COL25A1: variants seen among roughly 807,000 people sequenced by gnomAD.
COL25A1 encodes collagen type XXV alpha 1 chain.
Under a neutral mutation model 128.4 loss-of-function variants are expected in COL25A1, and 103 were observed. That is an observed-to-expected ratio of 0.80 (90% CI 0.68 to 0.94). The LOEUF (loss-of-function observed/expected upper bound fraction) is 0.94. Among genes scored for constraint, COL25A1 ranks in the 40% least tolerant of loss-of-function variants. The pLI is 0.00. For synonymous variants in COL25A1, 279 were observed against 277.2 expected, an observed-to-expected ratio of 1.01 and a Z score of -0.06; for missense variants, 745 against 840.0, an observed-to-expected ratio of 0.89 and a Z score of 1.40.
rs375094753 is a variant in COL25A1, at chr4:109,131,962, A to C, written c.368-81783T>G. ...ACTACCAGGGACTCAAACAGAAAGG[A>C]GCACCATTCTTTGCTAGAGATAAGG... On this transcript the variant is annotated intron_variant, in intron 3 of 37. Coordinates refer to ENST00000399132, the MANE Select transcript of COL25A1 (RefSeq NM_198721.4). 4.6e-5 allele frequency among the ~76,000 whole-genome samples: 7 copies of C among 152,334 alleles called. No homozygotes were observed. In the South Asian group the frequency reaches 1.4e-3, roughly 32 times the overall value.
At chr4:108,928,085 G>T (rs936263296) in intron 11 of COL25A1, among the ~76,000 whole-genome samples, 4 of 151,992 alleles carry the variant, frequency 2.6e-5, no homozygotes, top group Admixed American at 2.0e-4. Context: ...AAATTAACAG[G>T]CTTCTTTGCC....
chr4:108,984,693 G>T (rs1055005920), intron 6 of COL25A1, among the ~76,000 whole-genome samples: 3 of 152,218 alleles, frequency 2.0e-5, no homozygotes, highest in Non-Finnish European at 4.4e-5. Context: ...CCGCTGGCCC[G>T]CAAGCACCGC....
intron 8 of COL25A1, among the ~76,000 whole-genome samples, chr4:108,954,540 A>G (rs1578878799): frequency 6.6e-6 from 1 of 152,148 alleles, no homozygotes; most frequent in Non-Finnish European, 1.5e-5. Context: ...ATAATAAGGC[A>G]GACAAAAATG....
rs200864025 is a variant in COL25A1, at chr4:109,042,081, C to CT, written c.420+6086dup. Among the ~76,000 whole-genome samples the CT allele has an allele frequency of 7.7e-3, 1,170 of 152,096 alleles. 12 individuals carry two copies. Among genetic ancestry groups the CT allele is most frequent in the Non-Finnish European group, 0.014 (928 of 67,950 alleles). ...CCTTTTTAAAATTTTAATTTTTTTA[C>CT]TTTAACAGCCTTATTTAAGCTCAAT... is the stretch of plus-strand genomic sequence containing the variant. On this transcript the variant is annotated intron_variant, in intron 5 of 37. Coordinates refer to ENST00000399132, the MANE Select transcript of COL25A1 (RefSeq NM_198721.4).
intron 3 of COL25A1, among the ~76,000 whole-genome samples, chr4:109,213,010 A>G (rs555973889): frequency 6.6e-6 from 1 of 152,300 alleles, no homozygotes; most frequent in East Asian, 1.9e-4. Flanking sequence ...ATATTTGGAG[A>G]CCACTGACAG....
intron 6 of COL25A1, among the ~76,000 whole-genome samples, chr4:108,999,357 A>G (rs1380868372): frequency 1.2e-4 from 19 of 152,230 alleles, no homozygotes; most frequent in Admixed American, 1.1e-3. Context: ...CAACAGACAT[A>G]TGAAAAAATG....
chr4:109,164,195 G>T (rs1035901146), intron 3 of COL25A1, among the ~76,000 whole-genome samples: 7 of 152,100 alleles, frequency 4.6e-5, no homozygotes. Flanking sequence ...CCTGGCTTGT[G>T]CAAGAAACCT....
chr4:109,028,870 A>T (rs997231330), intron 5 of COL25A1, among the ~76,000 whole-genome samples: 1 of 152,216 alleles, frequency 6.6e-6, no homozygotes, highest in African/African-American at 2.4e-5. Context: ...AGAAGACACC[A>T]ATTCACTGTG....
At chr4:108,980,756 T>C (rs1167070295) in intron 6 of COL25A1, among the ~76,000 whole-genome samples, 1 of 152,238 alleles carries the variant, frequency 6.6e-6, no homozygotes, top group Non-Finnish European at 1.5e-5. Context: ...AATTACTCTA[T>C]TTTAAACTCC....
At chr4:108,857,506 T>C (rs1736666422) in intron 24 of COL25A1, among the ~76,000 whole-genome samples, 1 of 151,952 alleles carries the variant, frequency 6.6e-6, no homozygotes, top group Non-Finnish European at 1.5e-5. Context: ...TGCTTCTGTT[T>C]GTATTTTACC....
chr4:109,288,837 T>C lies in COL25A1; in HGVS notation c.367+11746A>G, dbSNP rs754605332. 2.2e-4 allele frequency among the ~76,000 whole-genome samples: 34 copies of C among 152,132 alleles called. 1 individual carries two copies. Among genetic ancestry groups the C allele is most frequent in the Non-Finnish European group, 3.7e-4 (25 of 67,988 alleles). On this transcript the variant is annotated intron_variant, in intron 3 of 37. Transcript: ENST00000399132. The stretch of plus-strand genomic sequence containing the variant: ...ATAAAGTCCAAACTCACAGGAACTG[T>C]CTTTTAAATAACTAATTTTAACAGA...
At chr4:109,015,516 C>T (rs1757131929) in intron 5 of COL25A1, among the ~76,000 whole-genome samples, 1 of 152,076 alleles carries the variant, frequency 6.6e-6, no homozygotes, top group Non-Finnish European at 1.5e-5. Flanking sequence ...CCAAGTGAAA[C>T]AGTTAAGTCA....
At chr4:109,108,041 A>T (rs10029177) in intron 3 of COL25A1, among the ~76,000 whole-genome samples, 32,770 of 152,044 alleles carry the variant, frequency 0.22, 4,233 homozygotes, top group East Asian at 0.39. Context: ...CAATTTTTTT[A>T]AATTATACTT....
rs1422476451 is a variant in COL25A1 at position 108,811,228 on chromosome 4, T to C, written c.*2699A>G. ...GTAACCAAAAGTTAAAGATTATCCA[T>C]CATGGTTAAGACCTAGCAATTCCAC... On this transcript the variant is annotated 3_prime_UTR_variant, in exon 38 of 38. Coordinates refer to ENST00000399132, the MANE Select transcript of COL25A1 (RefSeq NM_198721.4). The C allele has an allele frequency of 1.3e-5, 2 of 152,054 alleles. No individual in the cohort carries two copies. Among genetic ancestry groups the C allele is most frequent in the East Asian group, 1.9e-4 (1 of 5,192 alleles). The allele number at this position is 152,054 out of a possible 1,614,324, so 9.4% of individuals were successfully genotyped here. A position where few individuals can be genotyped will look rare whatever the true frequency, so the allele number is the denominator to read the frequency against.
chr4:109,292,535 T>C (rs886585809), intron 3 of COL25A1, among the ~76,000 whole-genome samples: 67 of 152,036 alleles, frequency 4.4e-4, no homozygotes, highest in Non-Finnish European at 6.5e-4. Flanking sequence ...TAGAGATACA[T>C]AGATACAAAC....
chr4:108,999,200 C>A (rs1431559589), intron 6 of COL25A1, among the ~76,000 whole-genome samples: 1 of 24,472 alleles, frequency 4.1e-5, no homozygotes, highest in Non-Finnish European at 1.3e-4. Flanking sequence ...GGGACAAAAT[C>A]TTTGCAATCT....
chr4:109,205,396 C>T (rs111858450), intron 3 of COL25A1, among the ~76,000 whole-genome samples: 3 of 152,096 alleles, frequency 2.0e-5, no homozygotes, highest in Non-Finnish European at 4.4e-5. Flanking sequence ...AAGCTGGATG[C>T]GGACACGGGA....
chr4:109,258,105 C>A (rs1781193302), intron 3 of COL25A1, among the ~76,000 whole-genome samples: 1 of 152,152 alleles, frequency 6.6e-6, no homozygotes, highest in Non-Finnish European at 1.5e-5. Context: ...CCTTCCTGCT[C>A]CCACCCAATC....
intron 10 of COL25A1, among the ~76,000 whole-genome samples, chr4:108,938,730 A>C (rs1181196609): frequency 6.6e-6 from 1 of 152,262 alleles, no homozygotes; most frequent in African/African-American, 2.4e-5. Context: ...GGTGGTGGGC[A>C]CCTGTAGTCC....
Sources: gnomAD v4.1 joint callset for allele counts (sites outside exome capture counted in the v4.1 genomes callset) on GRCh38, gnomAD v4.1.1 for gene constraint, MANE v1.5 for transcripts, NCBI Gene and HGNC (gene_info 2026-07-23, HGNC 2026-07-21) for gene names.